The following CCDC136 variants were observed in gnomAD, a reference collection of about 807,000 sequenced individuals.
CCDC136 encodes coiled-coil domain-containing protein 136.
Under a neutral mutation model 141.2 loss-of-function variants are expected in CCDC136, and 100 were observed. That is an observed-to-expected ratio of 0.71 (90% confidence interval 0.60 to 0.84). The LOEUF is 0.84. CCDC136 is among the 40% of genes least tolerant of loss of function. The pLI, the probability that CCDC136 is intolerant of heterozygous loss-of-function variation, is 0.00. For synonymous variants in CCDC136, 474 were observed against 531.9 expected (o/e 0.89, Z 1.50); for missense variants, 1,206 against 1,379.4 (o/e 0.87, Z 1.99).
chr7:128,794,807 C>T lies in CCDC136; in HGVS notation c.346+39C>T, dbSNP rs1802703023. On this transcript the variant is annotated intron_variant, in intron 3 of 17. Transcript: ENST00000297788. This position sits in a 1 kb window ranked among gnomAD's most constrained non-coding sequence, Gnocchi z 4.3. Reference sequence around the variant, plus strand: ...CTTGGACTGGAGGGAGGTGGCCATCCAAGTGGTCACCTAAGTACTTTTTTC... The same window carrying T: ...CTTGGACTGGAGGGAGGTGGCCATCTAAGTGGTCACCTAAGTACTTTTTTC... 6.7e-7 allele frequency: 1 copy of T among 1,489,586 alleles called. No homozygotes were observed. Among genetic ancestry groups the T allele is most frequent in the African/African-American group, 1.4e-5 (1 of 71,770 alleles). 92.3% of individuals were successfully genotyped at this position (1,489,586 alleles called of 1,614,324 possible). A position where few individuals can be genotyped will look rare whatever the true frequency, so the allele number is the denominator to read the frequency against.
Position 128,821,943 on chromosome 7 carries a change from C to T in CCDC136, c.*150C>T. 7.8e-7 allele frequency: 1 copy of T among 1,289,518 alleles called. No individual in the cohort carries two copies. The highest frequency in any genetic ancestry group is 1.0e-6 in the Non-Finnish European group (1 of 988,800). 79.9% of individuals were successfully genotyped at this position (1,289,518 alleles called of 1,614,324 possible). Reference sequence around the variant, plus strand: ...CTTGGCCAGCGCGAGGGCAGATCCCCAGTGGCCACCACCCTCAGCTTTGGG... The same window carrying T: ...CTTGGCCAGCGCGAGGGCAGATCCCTAGTGGCCACCACCCTCAGCTTTGGG... On this transcript the variant is annotated 3_prime_UTR_variant, in exon 18 of 18. Coordinates refer to ENST00000297788, the MANE Select transcript of CCDC136 (RefSeq NM_022742.5). This position sits in a 1 kb window ranked among gnomAD's most constrained non-coding sequence, Gnocchi z 5.1.
chr7:128,814,266 A>G (rs1806229438), intron 14 of CCDC136, among the ~76,000 whole-genome samples: 1 of 151,888 alleles, frequency 6.6e-6, no homozygotes, highest in South Asian at 2.1e-4. Context: ...TTGTATTTTT[A>G]GTAGACATGG....
chr7:128,801,400 C>T lies in CCDC136; in HGVS notation c.561C>T (p.Arg187=), dbSNP rs1216863735. The change falls in exon 4 of 18, where the codon CGC becomes CGT. Residue 187 remains arginine, a synonymous_variant. Transcript: ENST00000297788. Reference sequence around the variant, plus strand: ...AGAATGAACTTGAAGACATGGAACGCATTCGGGGAGATTATGAGATGGAGA... The same window carrying T: ...AGAATGAACTTGAAGACATGGAACGTATTCGGGGAGATTATGAGATGGAGA... The part of the protein sequence containing the change: ...RMQNELEDME[R]IRGDYEMEIA... 6.2e-7 allele frequency: 1 copy of T among 1,613,368 alleles called. No homozygotes were observed.
intron 3 of CCDC136, among the ~76,000 whole-genome samples, chr7:128,795,316 T>C (rs986327535): frequency 6.6e-6 from 1 of 152,086 alleles, no homozygotes; most frequent in Non-Finnish European, 1.5e-5. Flanking sequence ...CACGTCCCTT[T>C]GTCTCTGGGA....
chr7:128,796,175 C>T (rs1802916189), intron 3 of CCDC136, among the ~76,000 whole-genome samples: 1 of 152,104 alleles, frequency 6.6e-6, no homozygotes, highest in Admixed American at 6.5e-5. Flanking sequence ...GGAGTTTCAC[C>T]ATGTTGGCCA....
chr7:128,820,122 A>G (rs1270862125), intron 17 of CCDC136, among the ~76,000 whole-genome samples: 1 of 152,142 alleles, frequency 6.6e-6, no homozygotes, highest in African/African-American at 2.4e-5. Flanking sequence ...CCTTCACATC[A>G]TCTACAGGGG....
At chr7:128,810,485 G>T in intron 12 of CCDC136, 119 bp downstream of exon 12, 2 of 680,212 alleles carry the variant, frequency 2.9e-6, no homozygotes, top group Non-Finnish European at 5.0e-6. Flanking sequence ...TAAGGATAAG[G>T]CAAAAGCCCT....
chr7:128,793,857 C>CCACCT (rs1388340016), intron 1 of CCDC136, among the ~76,000 whole-genome samples: 1 of 152,192 alleles, frequency 6.6e-6, no homozygotes, highest in African/African-American at 2.4e-5. Flanking sequence ...AGTAATCCAC[C>CCACCT]CACCTCAGCC....
Position 128,792,280 on chromosome 7 carries a change from G to GCCCCCCCCCCCCCCCCCCCC in CCDC136, c.-126_-125insCCCCCCCCCCCCCCCCCCCC. 3 of 1,334,776 alleles carry GCCCCCCCCCCCCCCCCCCCC rather than the reference G, an allele frequency of 2.2e-6. No homozygotes were observed. Among genetic ancestry groups the GCCCCCCCCCCCCCCCCCCCC allele is most frequent in the Non-Finnish European group, 2.0e-6 (2 of 998,228 alleles). 82.7% of individuals were successfully genotyped at this position (1,334,776 alleles called of 1,614,324 possible). On this transcript the variant is annotated 5_prime_UTR_variant, in exon 1 of 18. It removes the in-frame stop codon of an upstream open reading frame in the 5' UTR. Coordinates refer to ENST00000297788, the MANE Select transcript of CCDC136 (RefSeq NM_022742.5). The stretch of plus-strand genomic sequence containing the variant: ...TCCTCTGCACCCCAGCCCGCAGCCA[G>GCCCCCCCCCCCCCCCCCCCC]CCCCCCACCCCCCAGCCCCTCCTTT...
chr7:128,792,629 C>T (rs1483618887), intron 1 of CCDC136, among the ~76,000 whole-genome samples: 2 of 151,846 alleles, frequency 1.3e-5, no homozygotes, highest in Non-Finnish European at 2.9e-5. Flanking sequence ...CCTTCGGGAC[C>T]CCAATCACCC....
chr7:128,812,354 C>A, intron 13 of CCDC136, 42 bp downstream of exon 13: 1 of 1,575,062 alleles, frequency 6.3e-7, no homozygotes, highest in Non-Finnish European at 8.6e-7. Context: ...GGACGATGGA[C>A]TCTTGTCTTT....
intron 10 of CCDC136, chr7:128,809,029 T>C: frequency 1.1e-6 from 1 of 923,344 alleles, no homozygotes; most frequent in Admixed American, 6.0e-5. Context: ...AAGTCCTTAT[T>C]TGTAAGGAGT....
intron 16 of CCDC136, among the ~76,000 whole-genome samples, chr7:128,816,397 CAG>C (rs569338319): frequency 3.3e-5 from 5 of 152,298 alleles, no homozygotes; most frequent in South Asian, 4.1e-4. Flanking sequence ...AGGGGTGTGT[CAG>C]GGGATAATCT....
intron 4 of CCDC136, among the ~76,000 whole-genome samples, chr7:128,801,714 C>G (rs190306225): frequency 5.9e-4 from 90 of 152,222 alleles, no homozygotes; most frequent in Non-Finnish European, 1.1e-3. Flanking sequence ...GAGGATCACT[C>G]GAGCCCAGGC....
chr7:128,798,878 G>C (rs1443082137), intron 3 of CCDC136, among the ~76,000 whole-genome samples: 1 of 152,042 alleles, frequency 6.6e-6, no homozygotes, highest in Non-Finnish European at 1.5e-5. Context: ...GATCATTCTA[G>C]AACTGGAAAG....
intron 17 of CCDC136, among the ~76,000 whole-genome samples, chr7:128,819,817 T>C (rs1042985240): frequency 6.6e-6 from 1 of 152,192 alleles, no homozygotes; most frequent in Admixed American, 6.5e-5. Flanking sequence ...TTTCTCTTCA[T>C]TGGTCCCAAG....
intron 3 of CCDC136, among the ~76,000 whole-genome samples, chr7:128,798,558 A>G (rs1410164571): frequency 6.6e-6 from 1 of 151,946 alleles, no homozygotes; most frequent in African/African-American, 2.4e-5. Flanking sequence ...GGCCGACAAT[A>G]CCATTTTTTT....
In CCDC136 at chr7:128,805,335, T is replaced by G. The variant is rs1457001596; in HGVS notation, c.783-24T>G. On this transcript the variant is annotated intron_variant, in intron 5 of 17. Transcript: ENST00000297788. The surrounding 1 kb of genome is among the most constrained non-coding windows in gnomAD (Gnocchi z 4.6). ...TGCCAGGCAGAACTCCCTTCAAGCA[T>G]AGCTCTGCGGTTCTGAATTGCAGGA... 1 of 1,610,898 alleles carries G rather than the reference T, an allele frequency of 6.2e-7. No individual in the cohort carries two copies. Among genetic ancestry groups the G allele is most frequent in the African/African-American group, 1.3e-5 (1 of 74,884 alleles).
intron 15 of CCDC136, 89 bp from the exon 16 acceptor site, chr7:128,815,525 A>G (rs1449236548): frequency 8.6e-6 from 12 of 1,391,172 alleles, no homozygotes; most frequent in Middle Eastern, 2.6e-4. Context: ...GCTGGAAGTC[A>G]TGTTTCCTGG....
Sources: gnomAD v4.1 joint callset for allele counts (sites outside exome capture counted in the v4.1 genomes callset) on GRCh38, gnomAD v4.1.1 for gene constraint, Gnocchi (gnomAD v3.1) non-coding constraint, MANE v1.5 for transcripts, NCBI Gene and HGNC (gene_info 2026-07-23, HGNC 2026-07-21) for gene names.